The following PC variants were observed in gnomAD, a reference collection of about 807,000 sequenced individuals.
PC encodes the protein pyruvate carboxylase.
PC carries 46 observed loss-of-function variants against 107.8 expected under a neutral mutation model. The ratio of observed to expected loss-of-function variants is 0.43; its 90% confidence interval spans 0.34 to 0.55. PC has a LOEUF of 0.55. Ranked by LOEUF, PC falls within the 20% of genes least tolerant of loss-of-function variation. The pLI, the probability that PC is intolerant of heterozygous loss-of-function variation, is 0.04. For missense variants in PC, 1,241 were observed against 1,643.1 expected, an observed-to-expected ratio of 0.76 and a Z score of 4.23; for synonymous variants, 662 against 684.7, an observed-to-expected ratio of 0.97 and a Z score of 0.52.
chr11:66,879,462 C>T (rs1230692518), intron 3 of PC, among the ~76,000 whole-genome samples: 1 of 152,178 alleles, frequency 6.6e-6, no homozygotes, highest in East Asian at 1.9e-4. Flanking sequence ...GGCACCTGTC[C>T]CAGAGCACTC....
intron 3 of PC, among the ~76,000 whole-genome samples, chr11:66,920,792 C>T (rs1948575687): frequency 6.6e-6 from 1 of 151,790 alleles, no homozygotes; most frequent in African/African-American, 2.4e-5. Flanking sequence ...CGCCTGTAAT[C>T]CCAACACTTT....
At chr11:66,894,854 T>C (rs1002659592) in intron 3 of PC, among the ~76,000 whole-genome samples, 5 of 152,118 alleles carry the variant, frequency 3.3e-5, no homozygotes, top group African/African-American at 9.6e-5. Flanking sequence ...AAACCCCGTA[T>C]CTACTAAAAA....
At chr11:66,956,500 G>T (rs561090625) in intron 1 of PC, among the ~76,000 whole-genome samples, 54 of 152,220 alleles carry the variant, frequency 3.5e-4, no homozygotes, top group African/African-American at 1.3e-3. Context: ...CAGGAGAATC[G>T]CTTGAACTCG....
intron 12 of PC, chr11:66,859,683 C>T (rs766696740): frequency 1.2e-5 from 19 of 1,613,016 alleles, no homozygotes; most frequent in Non-Finnish European, 1.6e-5. Context: ...GCACCTCGTC[C>T]CCGGCGCTGA....
rs372755874 is a variant in PC at position 66,849,868 on chromosome 11, C to T, written c.2899-9G>A. 73 of 1,613,554 alleles carry T rather than the reference C, an allele frequency of 4.5e-5. 1 individual carries two copies. Among genetic ancestry groups the T allele is most frequent in the Admixed American group, 1.7e-4 (10 of 60,006 alleles). On this transcript the variant is annotated splice_polypyrimidine_tract_variant and intron_variant, in intron 20 of 22. Coordinates refer to ENST00000393960, the MANE Select transcript of PC (RefSeq NM_001040716.2). ...GGCAGGTCCTTCAGTACCTGGGGAG[C>T]AAAGCAGAGGATCAGTCCCAAGTCC...
chr11:66,911,180 T>C (rs1276205172), intron 3 of PC, among the ~76,000 whole-genome samples: 2 of 152,126 alleles, frequency 1.3e-5, no homozygotes, highest in Non-Finnish European at 2.9e-5. Flanking sequence ...AGGGCCTCAA[T>C]ACAAGAGAGG....
intron 3 of PC, among the ~76,000 whole-genome samples, chr11:66,909,769 G>A (rs184436421): frequency 5.3e-5 from 8 of 152,300 alleles, no homozygotes; most frequent in Admixed American, 4.6e-4. Context: ...CAGGTATCAG[G>A]AAACCATGGG....
Position 66,871,529 on chromosome 11 carries a change from G to A in PC, c.322-49C>T. On this transcript the variant is annotated intron_variant, in intron 5 of 22. Transcript: ENST00000393960. The surrounding 1 kb of genome is among the most constrained non-coding windows in gnomAD (Gnocchi z 7.4). ...GACGGTACCTTGCAGTCCCTTCCAA[G>A]GCCTCGGCCAGCCTCTTCCCCTGCC... The A allele has an allele frequency of 6.2e-7, 1 of 1,610,000 alleles. No homozygotes were observed. The highest frequency in any genetic ancestry group is 2.2e-5 in the East Asian group (1 of 44,844).
intron 3 of PC, among the ~76,000 whole-genome samples, chr11:66,938,791 A>G (rs923808729): frequency 3.9e-5 from 6 of 152,164 alleles, no homozygotes; most frequent in African/African-American, 1.4e-4. Context: ...AGGATACATG[A>G]GCTATTTTTA....
intron 3 of PC, among the ~76,000 whole-genome samples, chr11:66,902,399 G>A (rs994477922): frequency 5.9e-5 from 9 of 152,140 alleles, no homozygotes; most frequent in African/African-American, 2.2e-4. Flanking sequence ...ACTGCACTGA[G>A]TGATTTCTAT....
intron 1 of PC, among the ~76,000 whole-genome samples, chr11:66,956,772 T>C (rs1266104367): frequency 6.6e-6 from 1 of 152,198 alleles, no homozygotes; most frequent in African/African-American, 2.4e-5. Context: ...CGCTTTAGTG[T>C]GTGGTTTGCT....
chr11:66,887,532 T>C (rs1947417885), intron 3 of PC, among the ~76,000 whole-genome samples: 1 of 151,918 alleles, frequency 6.6e-6, no homozygotes, highest in African/African-American at 2.4e-5. Flanking sequence ...ACATAATAAA[T>C]AGAGAATTAG....
chr11:66,943,724 C>A (rs117905790), intron 3 of PC, among the ~76,000 whole-genome samples: 17,181 of 129,968 alleles, frequency 0.13, 1,229 homozygotes, highest in East Asian at 0.21. Context: ...CCACTGCTCT[C>A]CAGCCTGGGC....
intron 3 of PC, among the ~76,000 whole-genome samples, chr11:66,924,849 C>A (rs990104081): frequency 2.6e-5 from 4 of 152,154 alleles, no homozygotes; most frequent in African/African-American, 9.7e-5. Context: ...GGGGAAACAG[C>A]CCCTGATAGT....
In PC at chr11:66,848,424, G is replaced by A; in HGVS notation, c.*475C>T. On this transcript the variant is annotated 3_prime_UTR_variant, in exon 23 of 23. Coordinates refer to ENST00000393960, the MANE Select transcript of PC (RefSeq NM_001040716.2). ...ATGGTCATTCTCACTACCCTCTGAG[G>A]AGAACGACACAACTGACCTGCCCAC... 1 of 515,746 alleles carries A rather than the reference G, an allele frequency of 1.9e-6. No individual in the cohort carries two copies. Among genetic ancestry groups the A allele is most frequent in the Non-Finnish European group, 3.4e-6 (1 of 295,128 alleles). The allele number at this position is 515,746 out of a possible 1,614,324, so 31.9% of individuals were successfully genotyped here.
At chr11:66,922,258 G>A (rs910006124) in intron 3 of PC, among the ~76,000 whole-genome samples, 1 of 152,122 alleles carries the variant, frequency 6.6e-6, no homozygotes, top group Non-Finnish European at 1.5e-5. Context: ...CAGTCTTTCA[G>A]TCATCAGCAT....
intron 3 of PC, among the ~76,000 whole-genome samples, chr11:66,938,705 T>C (rs1027374397): frequency 6.6e-6 from 1 of 152,196 alleles, no homozygotes; most frequent in Non-Finnish European, 1.5e-5. Flanking sequence ...ACATTCTGTT[T>C]TATAATATAT....
In PC at chr11:66,852,676, G is replaced by T. The variant is rs769556316; in HGVS notation, c.1604-16C>A. 4.3e-6 allele frequency: 7 copies of T among 1,612,520 alleles called. No individual in the cohort carries two copies. Among genetic ancestry groups the T allele is most frequent in the Non-Finnish European group, 5.9e-6 (7 of 1,178,828 alleles). ...GGGGGCGGGCCTAGGGTAGACAGGG[G>T]CATTGGTGCCCATCCTGCAGGTGGC... On this transcript the variant is annotated splice_polypyrimidine_tract_variant and intron_variant, in intron 14 of 22. Coordinates refer to ENST00000393960, the MANE Select transcript of PC (RefSeq NM_001040716.2). This position sits in a 1 kb window ranked among gnomAD's most constrained non-coding sequence, Gnocchi z 4.7.
chr11:66,871,063 G>A lies in PC; in HGVS notation c.622C>T (p.His208Tyr). 6.2e-7 allele frequency: 1 copy of A among 1,614,056 alleles called. No individual in the cohort carries two copies. The highest frequency in any genetic ancestry group is 2.2e-5 in the East Asian group (1 of 44,864). The change falls in exon 7 of 23, where the codon CAC (histidine) becomes TAC (tyrosine). Residue 208 changes from histidine to tyrosine, a missense_variant. Physicochemically the swap from His to Tyr is moderately conservative, Grantham distance 83 (BLOSUM62 2). Around this residue, in one of 2 missense-constraint regions of PC, gnomAD observed 1,143 missense variants for 1,551.9 expected, o/e 0.74. Coordinates refer to ENST00000393960, the MANE Select transcript of PC (RefSeq NM_001040716.2). This position sits in a 1 kb window ranked among gnomAD's most constrained non-coding sequence, Gnocchi z 7.4. ...GCATCTTCACTCACCTCGTAGCTGT[G>A]CACCACCCTCATGCCACGCCCTCCA... is the stretch of plus-strand genomic sequence containing the variant. Reference protein sequence around the residue: ...GGGGRGMRVVHSYEELEENYT... With the variant: ...GGGGRGMRVVYSYEELEENYT...
Sources: gnomAD v4.1 joint callset for allele counts (sites outside exome capture counted in the v4.1 genomes callset) on GRCh38, gnomAD v4.1.1 for gene constraint, gnomAD v4.1.1 regional missense constraint, Gnocchi (gnomAD v3.1) non-coding constraint, MANE v1.5 for transcripts, NCBI Gene and HGNC (gene_info 2026-07-23, HGNC 2026-07-21) for gene names.